Variants in MYZAP observed in about 807,000 individuals in gnomAD.
MYZAP encodes the protein myocardial zonula adherens protein.
Under a neutral mutation model 69.4 loss-of-function variants are expected in MYZAP, and 66 were observed. That is an observed-to-expected ratio of 0.95 (90% CI 0.78 to 1.17). MYZAP has a LOEUF of 1.17. MYZAP is among the 50% of genes most tolerant of loss of function. MYZAP has a pLI of 0.00. For synonymous variants in MYZAP, 256 were observed against 205.9 expected (o/e 1.24, Z -2.09); for missense variants, 611 against 556.2 (o/e 1.10, Z -0.99).
chr15:57,668,246 A>G (rs1411141990), intron 11 of MYZAP, among the ~76,000 whole-genome samples: 4 of 152,242 alleles, frequency 2.6e-5, no homozygotes, highest in Non-Finnish European at 4.4e-5. Flanking sequence ...TGCAGTGAGC[A>G]TTAGAGTACA....
chr15:57,610,045 G>C (rs1194714177), intron 2 of MYZAP, among the ~76,000 whole-genome samples: 2 of 152,176 alleles, frequency 1.3e-5, no homozygotes, highest in African/African-American at 4.8e-5. Context: ...TCTGATCTGA[G>C]TTGATTCTGC....
At chr15:57,614,583 A>T (rs1281460751) in intron 2 of MYZAP, among the ~76,000 whole-genome samples, 1 of 152,208 alleles carries the variant, frequency 6.6e-6, no homozygotes, top group Non-Finnish European at 1.5e-5. Context: ...CTAAAGGAAC[A>T]GAAGGGAGGC....
At chr15:57,655,565 C>A (rs756233511) in intron 10 of MYZAP, among the ~76,000 whole-genome samples, 1 of 151,816 alleles carries the variant, frequency 6.6e-6, no homozygotes, top group Non-Finnish European at 1.5e-5. Context: ...TAGCTCAAAC[C>A]ACCTATGCAG....
Position 57,661,135 on chromosome 15 carries a change from C to A in MYZAP, c.1120-315C>A, listed in dbSNP as rs114871770. 1.8e-3 allele frequency among the ~76,000 whole-genome samples: 269 copies of A among 152,240 alleles called. 1 individual carries two copies. Among genetic ancestry groups the A allele is most frequent in the African/African-American group, 6.3e-3 (260 of 41,548 alleles). On this transcript the variant is annotated intron_variant, in intron 10 of 12. Coordinates refer to ENST00000267853, the MANE Select transcript of MYZAP (RefSeq NM_001018100.5). ...CTGGCTGTTTTAAAGGGTTACACAG[C>A]AAAATCAGTGTGGAAATGTTGGATT...
At chr15:57,678,041 C>CAAAAAAAAAAAAAAA (rs56102709) in intron 12 of MYZAP, among the ~76,000 whole-genome samples, 11 of 116,224 alleles carry the variant, frequency 9.5e-5, no homozygotes, top group African/African-American at 2.1e-4. Flanking sequence ...TTATCTCTAC[C>CAAAAAAAAAAAAAAA]AAAAAAAAAA....
chr15:57,625,638 G>A, intron 4 of MYZAP, 141 bp from the exon 5 acceptor site: 1 of 753,604 alleles, frequency 1.3e-6, no homozygotes, highest in Non-Finnish European at 2.2e-6. Flanking sequence ...TCATGCAGAT[G>A]TTGACTTTTA....
Position 57,639,495 on chromosome 15 carries a change from G to C in MYZAP, c.1069G>C (p.Asp357His), listed in dbSNP as rs1158897373. Reference sequence around the variant, plus strand: ...CCTCCGTGAGCGGATCAGACACCTAGATGACATGGTGCATTGCCAGCAGAA... The same window carrying C: ...CCTCCGTGAGCGGATCAGACACCTACATGACATGGTGCATTGCCAGCAGAA... ...ASLRERIRHL[D>H]DMVHCQQKKV... is the part of the protein sequence containing the mutation. The change falls in exon 10 of 13, where the codon GAT (aspartate) becomes CAT (histidine). Residue 357 changes from aspartate (D) to histidine (H), a missense_variant. Transcript: ENST00000267853. The C allele has an allele frequency of 1.2e-6, 2 of 1,614,124 alleles. No individual in the cohort carries two copies. The highest frequency in any genetic ancestry group is 1.3e-5 in the African/African-American group (1 of 75,044).
chr15:57,646,821 A>G (rs370297543), intron 10 of MYZAP: 1 of 985,308 alleles, frequency 1.0e-6, no homozygotes, highest in South Asian at 4.7e-5. Flanking sequence ...GGTTCAACCA[A>G]CTTCACGAAA....
At chr15:57,637,925 A>G (rs1282529157) in intron 9 of MYZAP, 151 bp downstream of exon 9, 1 of 825,648 alleles carries the variant, frequency 1.2e-6, no homozygotes, top group East Asian at 2.7e-5. Context: ...AGTTTCCAAT[A>G]TGGAACAAGT....
intron 12 of MYZAP, among the ~76,000 whole-genome samples, chr15:57,679,821 T>G (rs2039339545): frequency 1.3e-5 from 2 of 152,176 alleles, no homozygotes; most frequent in African/African-American, 4.8e-5. Context: ...TACAAGTCCT[T>G]GTTCCCCACA....
intron 2 of MYZAP, 130 bp from the exon 3 acceptor site, chr15:57,617,903 T>C: frequency 1.5e-6 from 2 of 1,291,602 alleles, no homozygotes; most frequent in Non-Finnish European, 2.1e-6. Context: ...TTTTGCTCCC[T>C]CCATCTCCAC....
chr15:57,616,375 C>T (rs1002043096), intron 2 of MYZAP, among the ~76,000 whole-genome samples: 1 of 152,210 alleles, frequency 6.6e-6, no homozygotes, highest in East Asian at 1.9e-4. Flanking sequence ...CGCAGTGGCT[C>T]ACGCCTGTGA....
intron 10 of MYZAP, 49 bp downstream of exon 10, chr15:57,639,594 G>A (rs1290322936): frequency 6.3e-7 from 1 of 1,584,586 alleles, no homozygotes; most frequent in Non-Finnish European, 8.6e-7. Flanking sequence ...CCTGTGGTGG[G>A]GAAGCATCCC....
At chr15:57,663,741 C>G (rs765605739) in intron 11 of MYZAP, among the ~76,000 whole-genome samples, 3 of 152,152 alleles carry the variant, frequency 2.0e-5, no homozygotes, top group Non-Finnish European at 4.4e-5. Context: ...TGTTAGGAAA[C>G]AGGAATGCCC....
chr15:57,671,163 A>T (rs1379757308), intron 11 of MYZAP, among the ~76,000 whole-genome samples: 1 of 152,088 alleles, frequency 6.6e-6, no homozygotes, highest in Non-Finnish European at 1.5e-5. Flanking sequence ...TCTGAAAGTA[A>T]GGTTTTTATT....
chr15:57,647,274 C>T, intron 10 of MYZAP: 5 of 985,420 alleles, frequency 5.1e-6, no homozygotes, highest in Non-Finnish European at 6.0e-6. Context: ...TTCACCTGTG[C>T]ACGGTGCTGT....
intron 11 of MYZAP, among the ~76,000 whole-genome samples, chr15:57,668,135 T>C (rs992040468): frequency 1.6e-4 from 25 of 152,232 alleles, no homozygotes; most frequent in African/African-American, 5.8e-4. Context: ...TCCCTTTTGT[T>C]GCAGAGTGGT....
At chr15:57,670,747 C>T (rs557428844) in intron 11 of MYZAP, among the ~76,000 whole-genome samples, 10 of 152,044 alleles carry the variant, frequency 6.6e-5, no homozygotes, top group Admixed American at 6.6e-4. Flanking sequence ...TATCCATTGG[C>T]ATTTTTGCTG....
At chr15:57,646,318 G>T in intron 10 of MYZAP, 1 of 1,209,460 alleles carries the variant, frequency 8.3e-7, no homozygotes, top group Non-Finnish European at 1.1e-6. Context: ...AAACAGGAAG[G>T]ACATATTATT....
Sources: allele counts gnomAD v4.1 joint callset (sites outside exome capture counted in the v4.1 genomes callset), GRCh38; gene constraint gnomAD v4.1.1; transcripts MANE v1.5; gene names NCBI Gene and HGNC (gene_info 2026-07-23, HGNC 2026-07-21).